The following PCDHGB2 variants were observed in gnomAD, a reference collection of about 807,000 sequenced individuals.
PCDHGB2 encodes protocadherin gamma-B2.
In PCDHGB2, 55 loss-of-function variants were observed where a neutral mutation model predicts 59.3. The observed-to-expected ratio is 0.93, with a 90% confidence interval of 0.75 to 1.16. The LOEUF (loss-of-function observed/expected upper bound fraction) is 1.16, where lower values mean the gene tolerates loss of function less well. Among genes scored for constraint, PCDHGB2 ranks in the 50% most tolerant of loss-of-function variants. The pLI, the probability that PCDHGB2 is intolerant of heterozygous loss-of-function variation, is 0.00. For missense variants in PCDHGB2, 1,228 were observed against 1,198.5 expected (o/e 1.02, Z -0.36); for synonymous variants, 516 against 512.0 (o/e 1.01, Z -0.11).
intron 1 of PCDHGB2, among the ~76,000 whole-genome samples, chr5:141,401,057 A>G (rs1021828194): frequency 1.3e-5 from 2 of 152,170 alleles, no homozygotes; most frequent in Non-Finnish European, 2.9e-5. Flanking sequence ...AAAATACTAT[A>G]TGTTGGCTGG....
chr5:141,405,612 C>T, intron 1 of PCDHGB2: 1 of 557,514 alleles, frequency 1.8e-6, no homozygotes, highest in Non-Finnish European at 3.2e-6. Flanking sequence ...ATAACTGGGA[C>T]TACAGGCACG....
chr5:141,364,948 T>C, intron 1 of PCDHGB2: 1 of 1,613,922 alleles, frequency 6.2e-7, no homozygotes, highest in Admixed American at 1.7e-5. Flanking sequence ...AGAAAGAGAC[T>C]GTTCACGACC....
intron 1 of PCDHGB2, chr5:141,387,734 T>C: frequency 7.7e-7 from 1 of 1,302,214 alleles, no homozygotes; most frequent in East Asian, 2.5e-5. Context: ...GCGCCAGCCT[T>C]TACACCGCTT....
At chr5:141,437,863 G>A (rs2097915247) in intron 1 of PCDHGB2, among the ~76,000 whole-genome samples, 2 of 151,480 alleles carry the variant, frequency 1.3e-5, no homozygotes, top group African/African-American at 2.4e-5. Context: ...TTAGCCTCCC[G>A]AGTAGCTGGG....
chr5:141,510,568 G>C (rs2099881703), intron 3 of PCDHGB2, among the ~76,000 whole-genome samples: 1 of 152,100 alleles, frequency 6.6e-6, no homozygotes, highest in Non-Finnish European at 1.5e-5. Context: ...CATCTACCAG[G>C]CACTATTTTA....
chr5:141,408,239 C>A, intron 1 of PCDHGB2: 2 of 1,577,720 alleles, frequency 1.3e-6, no homozygotes, highest in South Asian at 2.3e-5. Flanking sequence ...CCGGGCCGGC[C>A]CGCGGCAGGT....
At chr5:141,370,375 G>T in intron 1 of PCDHGB2, 2 of 1,527,984 alleles carry the variant, frequency 1.3e-6, no homozygotes. Context: ...ATTTAGAAAG[G>T]CAAAGGCGCA....
In PCDHGB2 at chr5:141,486,705, A is replaced by T. The variant is rs2099633722; in HGVS notation, c.2422-8102A>T. On this transcript the variant is annotated intron_variant, in intron 1 of 3. Transcript: ENST00000522605. This position sits in a 1 kb window ranked among gnomAD's most constrained non-coding sequence, Gnocchi z 5.0. ...TCAGCTTCCTCTTTCATCTCTCTGA[A>T]CCCCCAGACAGGAGCTGTTCATGCT... The T allele has an allele frequency of 6.2e-7, 1 of 1,613,844 alleles. No individual in the cohort carries two copies. The highest frequency in any genetic ancestry group is 1.3e-5 in the African/African-American group (1 of 74,910).
At position 141,389,024 on chromosome 5, in the gene PCDHGB2, G is replaced by T. The variant is rs776063645; in HGVS notation, c.2421+26468G>T. On this transcript the variant is annotated intron_variant, in intron 1 of 3. Transcript: ENST00000522605. ...AGGATTCCAGACACAATGGAGAAGT[G>T]ACTTGTAAATTGGAAGGTGATGTTC... 4 of 1,613,948 alleles carry T rather than the reference G, an allele frequency of 2.5e-6. No homozygotes were observed. The South Asian group carries it at 4.4e-5, about 18-fold the overall frequency.
At chr5:141,382,914 G>A in intron 1 of PCDHGB2, 1 of 1,552,980 alleles carries the variant, frequency 6.4e-7, no homozygotes, top group Non-Finnish European at 8.7e-7. Flanking sequence ...CGGCTCAGCC[G>A]AGGGGCGGGG....
At chr5:141,467,643 C>G (rs2099147861) in intron 1 of PCDHGB2, among the ~76,000 whole-genome samples, 1 of 152,112 alleles carries the variant, frequency 6.6e-6, no homozygotes, top group Non-Finnish European at 1.5e-5. Flanking sequence ...TTATCATGTA[C>G]CAAACTTCTA....
At chr5:141,399,075 A>C (rs759361503) in intron 1 of PCDHGB2, 1 of 1,613,868 alleles carries the variant, frequency 6.2e-7, no homozygotes, top group Non-Finnish European at 8.5e-7. Flanking sequence ...TGGTTGTAGA[A>C]GGGAGGGATG....
intron 2 of PCDHGB2, among the ~76,000 whole-genome samples, chr5:141,501,420 T>C (rs1429838126): frequency 6.6e-6 from 1 of 152,006 alleles, no homozygotes; most frequent in Non-Finnish European, 1.5e-5. Context: ...AATAGTTGAC[T>C]AAATGTAGTC....
Position 141,486,747 on chromosome 5 carries a change from A to G in PCDHGB2, c.2422-8060A>G, listed in dbSNP as rs750666508. The G allele has an allele frequency of 3.1e-6, 5 of 1,614,210 alleles. No homozygotes were observed. The highest frequency in any genetic ancestry group is 4.2e-6 in the Non-Finnish European group (5 of 1,180,034). On this transcript the variant is annotated intron_variant, in intron 1 of 3. Transcript: ENST00000522605. This position sits in a 1 kb window ranked among gnomAD's most constrained non-coding sequence, Gnocchi z 5.0. Reference sequence around the variant, plus strand: ...GTTCATGCTACTCGATCCTTTGACTATGAGCAAACCCAGACACTGCAGTTT... The same window carrying G: ...GTTCATGCTACTCGATCCTTTGACTGTGAGCAAACCCAGACACTGCAGTTT...
At position 141,400,246 on chromosome 5, in the gene PCDHGB2, G is replaced by A. The variant is rs373890751; in HGVS notation, c.2421+37690G>A. On this transcript the variant is annotated intron_variant, in intron 1 of 3. Transcript: ENST00000522605. Reference sequence around the variant, plus strand: ...CTTCCTCCTGGCCGTGATTCTGGCCGTTGCCTTGCGCCTGCGACGCTCCTC... The same window carrying A: ...CTTCCTCCTGGCCGTGATTCTGGCCATTGCCTTGCGCCTGCGACGCTCCTC... 5.0e-5 allele frequency: 81 copies of A among 1,613,984 alleles called. No homozygotes were observed. The African/African-American group carries it at 6.0e-4, about 12-fold the overall frequency.
intron 1 of PCDHGB2, chr5:141,417,617 A>G (rs576281946): frequency 9.3e-6 from 6 of 646,206 alleles, no homozygotes; most frequent in African/African-American, 1.8e-5. Flanking sequence ...GCCAGTGCAG[A>G]GCAAGCGCTG....
Position 141,485,606 on chromosome 5 carries a change from G to T in PCDHGB2, c.2422-9201G>T, listed in dbSNP as rs2099616630. On this transcript the variant is annotated intron_variant, in intron 1 of 3. Transcript: ENST00000522605. The surrounding 1 kb of genome is among the most constrained non-coding windows in gnomAD (Gnocchi z 5.7). ...GCAGCTGGACTTGGAAATTGGGGAG[G>T]CAGCTCCTCCAGGACAGCGTTTCCC... is the stretch of plus-strand genomic sequence containing the variant. 1.2e-6 allele frequency: 2 copies of T among 1,612,362 alleles called. No homozygotes were observed. The highest frequency in any genetic ancestry group is 4.5e-5 in the East Asian group (2 of 44,840).
At chr5:141,428,186 CCGCTCTCTGCGCCGCTA>C (rs1167279209) in intron 1 of PCDHGB2, 1 of 1,460,956 alleles carries the variant, frequency 6.8e-7, no homozygotes, top group Admixed American at 1.8e-5. Context: ...AGGACAGCCG[CCGCTCTCTGCGCCGCTA>C]CGCTTCACCT....
intron 3 of PCDHGB2, among the ~76,000 whole-genome samples, chr5:141,506,298 A>C (rs887906455): frequency 6.6e-6 from 1 of 151,936 alleles, no homozygotes; most frequent in Non-Finnish European, 1.5e-5. Context: ...AAAATACAAA[A>C]ATTAGCTGGG....
Sources: gnomAD v4.1 joint callset for allele counts (sites outside exome capture counted in the v4.1 genomes callset) on GRCh38, gnomAD v4.1.1 for gene constraint, Gnocchi (gnomAD v3.1) non-coding constraint, MANE v1.5 for transcripts, NCBI Gene and HGNC (gene_info 2026-07-23, HGNC 2026-07-21) for gene names.